NRXN3: variants seen among roughly 807,000 people sequenced by gnomAD.
NRXN3 encodes neurexin III.
NRXN3 carries 32 observed loss-of-function variants against 137.6 expected under a neutral mutation model. The observed-to-expected ratio is 0.23, with a 90% CI of 0.18 to 0.31. The LOEUF is 0.31. Ranked by LOEUF, NRXN3 falls within the 10% of genes least tolerant of loss-of-function variation. The pLI, the probability that NRXN3 is intolerant of heterozygous loss-of-function variation, is 1.00. For synonymous variants in NRXN3, 798 were observed against 784.5 expected (o/e 1.02, Z -0.29); for missense variants, 1,574 against 2,062.5 (o/e 0.76, Z 4.59).
intron 15 of NRXN3, among the ~76,000 whole-genome samples, chr14:79,199,163 TAAAA>T (rs71131684): frequency 1.4e-5 from 2 of 146,850 alleles, no homozygotes. Context: ...AGACTGCGTC[TAAAA>T]AAAAAAAAAA....
chr14:79,028,002 A>G (rs2099601352), intron 15 of NRXN3, among the ~76,000 whole-genome samples: 1 of 152,134 alleles, frequency 6.6e-6, no homozygotes, highest in African/African-American at 2.4e-5. Context: ...TCTAATTTAT[A>G]CAATGGGGAT....
At chr14:79,065,731 A>G (rs2152687708) in intron 15 of NRXN3, among the ~76,000 whole-genome samples, 1 of 152,184 alleles carries the variant, frequency 6.6e-6, no homozygotes. Context: ...AAGTCACCCC[A>G]ATCTCGGCCT....
intron 19 of NRXN3, among the ~76,000 whole-genome samples, chr14:79,739,152 T>A (rs1160964361): frequency 6.6e-6 from 1 of 152,140 alleles, no homozygotes; most frequent in African/African-American, 2.4e-5. Context: ...GTGGGTTGGG[T>A]TGAAATGAAG....
At chr14:78,711,093 C>T (rs2098403328) in intron 7 of NRXN3, among the ~76,000 whole-genome samples, 1 of 151,912 alleles carries the variant, frequency 6.6e-6, no homozygotes, top group Admixed American at 6.6e-5. Flanking sequence ...AAAGCTGTTC[C>T]AGAATTATAA....
chr14:78,378,237 C>A (rs1491001381), intron 4 of NRXN3, among the ~76,000 whole-genome samples: 2 of 152,166 alleles, frequency 1.3e-5, no homozygotes, highest in East Asian at 3.9e-4. Flanking sequence ...ATAATCCCAG[C>A]ACTTTGGGAG....
At position 79,385,630 on chromosome 14, in the gene NRXN3, A is replaced by T. The variant is rs533542795; in HGVS notation, c.3263-81591A>T. 1.9e-4 allele frequency among the ~76,000 whole-genome samples: 29 copies of T among 152,258 alleles called. 2 individuals are homozygous for T. In the South Asian group the frequency reaches 6.0e-3, roughly 32 times the overall value. The stretch of plus-strand genomic sequence containing the variant: ...ATGGGCTGAGCACTCAGACTTGGGC[A>T]CCATCCTTGTGACAGTGAGTGAGTT... On this transcript the variant is annotated intron_variant, in intron 15 of 20. Transcript: ENST00000335750.
intron 3 of NRXN3, among the ~76,000 whole-genome samples, chr14:78,288,204 T>C (rs1253107510): frequency 6.6e-6 from 1 of 152,174 alleles, no homozygotes; most frequent in African/African-American, 2.4e-5. Context: ...GGTCTTAAAC[T>C]CCTGCCCTCA....
At chr14:78,477,868 G>A (rs192973100) in intron 4 of NRXN3, among the ~76,000 whole-genome samples, 1 of 152,060 alleles carries the variant, frequency 6.6e-6, no homozygotes, top group Non-Finnish European at 1.5e-5. Context: ...CATTAGGGTA[G>A]GGAAACAGGC....
At chr14:79,326,043 A>T (rs1004108156) in intron 15 of NRXN3, among the ~76,000 whole-genome samples, 1 of 152,242 alleles carries the variant, frequency 6.6e-6, no homozygotes, top group Non-Finnish European at 1.5e-5. Context: ...GTGATGAGAT[A>T]AAAGCAGCTG....
At chr14:79,708,371 A>G (rs1364707806) in intron 19 of NRXN3, among the ~76,000 whole-genome samples, 1 of 152,158 alleles carries the variant, frequency 6.6e-6, no homozygotes, top group African/African-American at 2.4e-5. Flanking sequence ...TTTGCCATCC[A>G]TGGGAGGTCC....
chr14:79,031,259 C>T (rs749723800), intron 15 of NRXN3, among the ~76,000 whole-genome samples: 1 of 151,968 alleles, frequency 6.6e-6, no homozygotes, highest in Non-Finnish European at 1.5e-5. Flanking sequence ...AATATTAAAT[C>T]CAGCAAGGTT....
intron 4 of NRXN3, among the ~76,000 whole-genome samples, chr14:78,378,981 T>C (rs972104914): frequency 1.3e-5 from 2 of 151,634 alleles, no homozygotes; most frequent in African/African-American, 4.8e-5. Context: ...AATAAAAGAA[T>C]ACTGCAAAGC....
intron 15 of NRXN3, among the ~76,000 whole-genome samples, chr14:79,296,465 A>G (rs1328569800): frequency 6.6e-6 from 1 of 150,780 alleles, no homozygotes; most frequent in African/African-American, 2.4e-5. Flanking sequence ...AAAAAACCAG[A>G]TGTTCCAGAA....
At chr14:79,110,762 T>TTTTATTTATTTATTTA (rs369429039) in intron 15 of NRXN3, among the ~76,000 whole-genome samples, 18 of 139,138 alleles carry the variant, frequency 1.3e-4, no homozygotes, top group African/African-American at 4.3e-4. Context: ...GAAATTATTA[T>TTTTATTTATTTATTTA]TTTATTTATT....
At chr14:79,145,719 T>C (rs188437239) in intron 15 of NRXN3, among the ~76,000 whole-genome samples, 2 of 152,296 alleles carry the variant, frequency 1.3e-5, no homozygotes, top group East Asian at 3.9e-4. Context: ...AAGAGAAAAT[T>C]AAAAGGGACT....
At chr14:79,085,667 G>T (rs866051302) in intron 15 of NRXN3, among the ~76,000 whole-genome samples, 1 of 152,064 alleles carries the variant, frequency 6.6e-6, no homozygotes, top group Non-Finnish European at 1.5e-5. Context: ...ACCTACCCAA[G>T]GGAAAGGAAG....
intron 19 of NRXN3, among the ~76,000 whole-genome samples, chr14:79,718,170 G>A (rs983781491): frequency 6.6e-6 from 1 of 152,162 alleles, no homozygotes; most frequent in African/African-American, 2.4e-5. Context: ...CTCTAAGGAA[G>A]AAACATTTAA....
At chr14:79,835,109 G>T (rs1357003132) in intron 20 of NRXN3, among the ~76,000 whole-genome samples, 1 of 152,016 alleles carries the variant, frequency 6.6e-6, no homozygotes. Flanking sequence ...GAGATCTATT[G>T]CACAACATGG....
At chr14:78,544,879 A>G (rs2096623606) in intron 4 of NRXN3, among the ~76,000 whole-genome samples, 1 of 152,172 alleles carries the variant, frequency 6.6e-6, no homozygotes, top group Non-Finnish European at 1.5e-5. Flanking sequence ...GTGGCAACAG[A>G]GAGGTGACTG....
Sources: allele counts gnomAD v4.1 joint callset (sites outside exome capture counted in the v4.1 genomes callset), GRCh38; gene constraint gnomAD v4.1.1; transcripts MANE v1.5; gene names NCBI Gene and HGNC (gene_info 2026-07-23, HGNC 2026-07-21).